TRHDE: variants seen among roughly 807,000 people sequenced by gnomAD.
TRHDE encodes the protein thyrotropin-releasing hormone-degrading ectoenzyme.
In TRHDE, 72 loss-of-function variants were observed where a neutral mutation model predicts 125.7. That is an observed-to-expected ratio of 0.57 (90% CI 0.47 to 0.70). The LOEUF (loss-of-function observed/expected upper bound fraction) is 0.70. TRHDE is among the 30% of genes least tolerant of loss of function. TRHDE has a pLI of 0.00. For synonymous variants in TRHDE, 509 were observed against 509.1 expected (o/e 1.00, Z 0.00); for missense variants, 1,110 against 1,327.1 (o/e 0.84, Z 2.54).
At chr12:72,597,683 T>TAAAAAAAAAA (rs1872004302) in intron 12 of TRHDE, among the ~76,000 whole-genome samples, 1 of 44,258 alleles carries the variant, frequency 2.3e-5, no homozygotes, top group African/African-American at 1.6e-4. Flanking sequence ...AAAAAAAAAC[T>TAAAAAAAAAA]AAGAGAGGTA....
chr12:72,404,581 A>G (rs182879183), intron 3 of TRHDE, among the ~76,000 whole-genome samples: 144 of 152,362 alleles, frequency 9.5e-4, no homozygotes, highest in African/African-American at 3.1e-3. Flanking sequence ...AAGAGCAAAG[A>G]AACATCTTAC....
chr12:72,381,408 T>G (rs1281439694), intron 3 of TRHDE, among the ~76,000 whole-genome samples: 2 of 151,430 alleles, frequency 1.3e-5, no homozygotes, highest in Non-Finnish European at 3.0e-5. Context: ...TTTTTTTTTT[T>G]TTTTTGAGAC....
chr12:72,391,675 T>C (rs12308561), intron 3 of TRHDE, among the ~76,000 whole-genome samples: 10,995 of 152,186 alleles, frequency 0.072, 826 homozygotes, highest in African/African-American at 0.18. Flanking sequence ...AGGTTGATGA[T>C]GTTTAGGATC....
intron 3 of TRHDE, among the ~76,000 whole-genome samples, chr12:72,448,491 A>G (rs1875411334): frequency 6.6e-6 from 1 of 152,108 alleles, no homozygotes; most frequent in Non-Finnish European, 1.5e-5. Flanking sequence ...AGCAGTTAAT[A>G]AACTTTAATT....
chr12:72,528,726 AC>A (rs1343450010), intron 6 of TRHDE, among the ~76,000 whole-genome samples: 1 of 151,070 alleles, frequency 6.6e-6, no homozygotes, highest in South Asian at 2.1e-4. Context: ...TGATCTCGTG[AC>A]CCCCCGCCTC....
intron 2 of TRHDE, among the ~76,000 whole-genome samples, chr12:72,153,266 G>A (rs1397354283): frequency 6.6e-5 from 10 of 151,904 alleles, no homozygotes; most frequent in Non-Finnish European, 1.0e-4. Context: ...TTTTAATTGC[G>A]CCTATTTGAT....
chr12:72,332,442 A>G (rs1175704868), intron 2 of TRHDE, among the ~76,000 whole-genome samples: 1 of 151,988 alleles, frequency 6.6e-6, no homozygotes, highest in African/African-American at 2.4e-5. Flanking sequence ...CTCGGCCCCA[A>G]ACTCTTTTAA....
At chr12:72,434,448 T>C (rs1874649105) in intron 3 of TRHDE, among the ~76,000 whole-genome samples, 1 of 151,306 alleles carries the variant, frequency 6.6e-6, no homozygotes, top group African/African-American at 2.4e-5. Flanking sequence ...AAATACTTTA[T>C]ATGTTTGCTG....
chr12:72,325,777 C>T (rs1359049192), intron 2 of TRHDE, among the ~76,000 whole-genome samples: 2 of 152,090 alleles, frequency 1.3e-5, no homozygotes. Context: ...ATCGACAACA[C>T]AGCCAAGCCA....
chr12:72,337,131 A>C (rs1342665736), intron 2 of TRHDE, among the ~76,000 whole-genome samples: 1 of 152,210 alleles, frequency 6.6e-6, no homozygotes, highest in African/African-American at 2.4e-5. Flanking sequence ...AGTGAATGAC[A>C]GTAACATACA....
intron 2 of TRHDE, among the ~76,000 whole-genome samples, chr12:72,366,082 C>G (rs966582539): frequency 1.3e-5 from 2 of 152,070 alleles, no homozygotes; most frequent in African/African-American, 2.4e-5. Context: ...TCTGCCTCCC[C>G]CTTATAATGA....
intron 12 of TRHDE, among the ~76,000 whole-genome samples, chr12:72,617,112 C>A (rs1412650191): frequency 1.3e-5 from 2 of 152,004 alleles, no homozygotes; most frequent in Non-Finnish European, 2.9e-5. Flanking sequence ...CATGCTATTT[C>A]TACAAAAATG....
chr12:72,338,194 C>G (rs1467193296), intron 2 of TRHDE, among the ~76,000 whole-genome samples: 2 of 152,132 alleles, frequency 1.3e-5, no homozygotes, highest in African/African-American at 4.8e-5. Flanking sequence ...TCCTCTGAAG[C>G]TTTTTATTGC....
intron 2 of TRHDE, chr12:72,257,388 C>T (rs1417456023): frequency 1.3e-5 from 2 of 152,126 alleles, no homozygotes; most frequent in Non-Finnish European, 2.9e-5. Flanking sequence ...GCATATAAAA[C>T]ATAAATGAAT....
intron 3 of TRHDE, among the ~76,000 whole-genome samples, chr12:72,392,526 A>C (rs1013378396): frequency 6.6e-6 from 1 of 152,224 alleles, no homozygotes; most frequent in Non-Finnish European, 1.5e-5. Flanking sequence ...AATGATCAGC[A>C]AACTTTTCTC....
At chr12:72,304,928 G>C (rs989641820) in intron 2 of TRHDE, among the ~76,000 whole-genome samples, 2 of 152,120 alleles carry the variant, frequency 1.3e-5, no homozygotes, top group Non-Finnish European at 2.9e-5. Flanking sequence ...AGGGTTATAG[G>C]TTGTAGATAA....
At chr12:72,288,456 C>T (rs532733884) in intron 2 of TRHDE, among the ~76,000 whole-genome samples, 76 of 152,152 alleles carry the variant, frequency 5.0e-4, no homozygotes, top group African/African-American at 1.8e-3. Flanking sequence ...CTTAGAAGGC[C>T]AGTAGGCATT....
At chr12:72,398,255 C>A (rs2135799626) in intron 3 of TRHDE, among the ~76,000 whole-genome samples, 1 of 151,896 alleles carries the variant, frequency 6.6e-6, no homozygotes, top group East Asian at 1.9e-4. Flanking sequence ...TGGATTGGTT[C>A]CAAGTCTTTG....
chr12:72,115,048 G>A (rs1156354680), intron 2 of TRHDE, among the ~76,000 whole-genome samples: 3 of 151,882 alleles, frequency 2.0e-5, no homozygotes, highest in South Asian at 2.1e-4. Flanking sequence ...TCACCTCAGG[G>A]TAAATGGGGT....
Sources: gnomAD v4.1 joint callset for allele counts (sites outside exome capture counted in the v4.1 genomes callset) on GRCh38, gnomAD v4.1.1 for gene constraint, MANE v1.5 for transcripts, NCBI Gene and HGNC (gene_info 2026-07-23, HGNC 2026-07-21) for gene names.